The following ARHGAP11A variants were observed in gnomAD, a reference collection of about 807,000 sequenced individuals.
The protein encoded by ARHGAP11A is rho GTPase-activating protein 11A.
A neutral mutation model predicts 60.5 loss-of-function variants in ARHGAP11A; 36 were observed. The observed-to-expected ratio is 0.59, with a 90% confidence interval of 0.46 to 0.79. The LOEUF (loss-of-function observed/expected upper bound fraction) is 0.79, where lower values mean the gene tolerates loss of function less well. ARHGAP11A is among the 30% of genes least tolerant of loss of function. The pLI, the probability that ARHGAP11A is intolerant of heterozygous loss-of-function variation, is 0.00. For missense variants in ARHGAP11A, 1,071 were observed against 1,199.2 expected (o/e 0.89, Z 1.58); for synonymous variants, 362 against 415.5 (o/e 0.87, Z 1.57).
chr15:32,626,430 A>T (rs1287601583), intron 6 of ARHGAP11A, among the ~76,000 whole-genome samples: 1 of 152,208 alleles, frequency 6.6e-6, no homozygotes, highest in Non-Finnish European at 1.5e-5. Flanking sequence ...GTCAGAGGCC[A>T]TTATTCTTCC....
chr15:32,619,575 G>A (rs1027644816), intron 1 of ARHGAP11A, among the ~76,000 whole-genome samples: 3 of 147,902 alleles, frequency 2.0e-5, no homozygotes, highest in African/African-American at 7.4e-5. Flanking sequence ...TTCTATAGAA[G>A]GTGGAAAATG....
chr15:32,625,132 A>G lies in ARHGAP11A; in HGVS notation c.604A>G (p.Asn202Asp). 1 of 1,613,938 alleles carries G rather than the reference A, an allele frequency of 6.2e-7. No homozygotes were observed. Among genetic ancestry groups the G allele is most frequent in the Non-Finnish European group, 8.5e-7 (1 of 1,179,832 alleles). The change falls in exon 5 of 12, where the codon AAT (asparagine) becomes GAT (aspartate). Residue 202 changes from asparagine to aspartate, a missense_variant. Coordinates refer to ENST00000361627, the MANE Select transcript of ARHGAP11A (RefSeq NM_014783.6). ...SSNLAVIFAP[N>D]LLQTSEGHEK... ...CAATCTTGCAGTAATATTTGCACCG[A>G]ATCTTCTTCAGACAAGTGAAGGACA...
Position 32,631,608 on chromosome 15 carries a change from C to G in ARHGAP11A, c.1106-1371C>G, listed in dbSNP as rs1408632206. 2.0e-5 allele frequency among the ~76,000 whole-genome samples: 3 copies of G among 152,148 alleles called. No homozygotes were observed. The East Asian group carries it at 5.8e-4, about 29-fold the overall frequency. ...AGCCACCATGCCTGGCCATAATTTT[C>G]TTACAGATGTGATAAATTTGCATTG... On this transcript the variant is annotated intron_variant, in intron 8 of 11. Coordinates refer to ENST00000361627, the MANE Select transcript of ARHGAP11A (RefSeq NM_014783.6).
intron 8 of ARHGAP11A, among the ~76,000 whole-genome samples, chr15:32,630,694 T>C (rs994424507): frequency 9.2e-5 from 14 of 152,126 alleles, no homozygotes; most frequent in Admixed American, 9.2e-4. Context: ...TTATTTGTTT[T>C]ATTGAGAAGT....
rs144815962 is a variant in ARHGAP11A at position 32,625,204 on chromosome 15, G to A, written c.676G>A (p.Ala226Thr). ...NTEKKLRLQA[A>T]VVQTLIDYAS... The stretch of plus-strand genomic sequence containing the variant: ...AGAAAAGAAGCTACGATTACAGGCT[G>A]CAGTAGTACAGACTCTTATCGATTA... Residue 226 changes from alanine to threonine, a missense_variant, in exon 5 of 12, where the codon GCA (alanine) becomes ACA (threonine). Physicochemically the swap from Ala to Thr is moderately conservative, Grantham distance 58. Around this residue, in one of 4 missense-constraint regions of ARHGAP11A, gnomAD observed 196 missense variants for 272.1 expected, o/e 0.72. Coordinates refer to ENST00000361627, the MANE Select transcript of ARHGAP11A (RefSeq NM_014783.6). 40 of 1,613,694 alleles carry A rather than the reference G, an allele frequency of 2.5e-5. No homozygotes were observed. The African/African-American group carries it at 4.7e-4, about 19-fold the overall frequency.
intron 1 of ARHGAP11A, 96 bp downstream of exon 1, chr15:32,616,436 T>A (rs749301965): frequency 2.6e-6 from 4 of 1,560,290 alleles, no homozygotes; most frequent in Non-Finnish European, 3.5e-6. Flanking sequence ...ACTCTGTGTA[T>A]CAAAAAGAAT....
chr15:32,635,855 G>A lies in ARHGAP11A; in HGVS notation c.1423G>A (p.Glu475Lys), dbSNP rs2053697311. ...ANQQSLKNRI[E>K]SVKTGLLFSP... ...TCAACAAAGTTTAAAAAATCGAATT[G>A]AATCTGTAAAAACAGGTTTGCTTTT... is the stretch of plus-strand genomic sequence containing the variant. The change falls in exon 11 of 12, where the codon GAA becomes AAA. Residue 475 changes from glutamate (E) to lysine (K), a missense_variant. Coordinates refer to ENST00000361627, the MANE Select transcript of ARHGAP11A (RefSeq NM_014783.6). 1 of 1,610,896 alleles carries A rather than the reference G, an allele frequency of 6.2e-7. No individual in the cohort carries two copies. Among genetic ancestry groups the A allele is most frequent in the African/African-American group, 1.3e-5 (1 of 74,902 alleles).
In ARHGAP11A at chr15:32,639,774, T is replaced by C. The variant is rs1244458030; in HGVS notation, c.*1929T>C. ...GGTAACTAGAGAGCCAGAAAAGTTT[T>C]GTTTTAAACTTGATTTAATGCGTTT... On this transcript the variant is annotated 3_prime_UTR_variant, in exon 12 of 12. Transcript: ENST00000361627. 1 of 152,234 alleles carries C rather than the reference T, an allele frequency of 6.6e-6. No homozygotes were observed. The highest frequency in any genetic ancestry group is 2.4e-5 in the African/African-American group (1 of 41,458). The allele number at this position is 152,234 out of a possible 1,614,324, so 9.4% of individuals were successfully genotyped here. A position where few individuals can be genotyped will look rare whatever the true frequency, so the allele number is the denominator to read the frequency against.
At position 32,636,756 on chromosome 15, in the gene ARHGAP11A, C is replaced by T. The variant is rs1461202242; in HGVS notation, c.1983C>T (p.His661=). Residue 661 remains histidine, a synonymous_variant, in exon 12 of 12, where the codon CAC becomes CAT. Coordinates refer to ENST00000361627, the MANE Select transcript of ARHGAP11A (RefSeq NM_014783.6). ...IVESKEKYEH[H]TGKGEKCFSE... is the part of the protein sequence containing the mutation. ...AATCAAAGGAGAAATATGAACACCACACTGGTAAAGGTGAAAAATGTTTTT... is the reference window on the plus strand; with the variant it reads ...AATCAAAGGAGAAATATGAACACCATACTGGTAAAGGTGAAAAATGTTTTT... 6.2e-7 allele frequency: 1 copy of T among 1,613,388 alleles called. No individual in the cohort carries two copies. Among genetic ancestry groups the T allele is most frequent in the South Asian group, 1.1e-5 (1 of 90,790 alleles).
chr15:32,637,835 T>G lies in ARHGAP11A; in HGVS notation c.3062T>G (p.Val1021Gly). Reference sequence around the variant, plus strand: ...CAATTACTACCAACAAGTAAACCTGTAGATTTGTAATTGGTAAATGTTATA... The same window carrying G: ...CAATTACTACCAACAAGTAAACCTGGAGATTTGTAATTGGTAAATGTTATA... ...KTQLLPTSKP[V>G]DL is the part of the protein sequence containing the mutation. The change falls in exon 12 of 12, where the codon GTA becomes GGA. Residue 1021 changes from valine to glycine, a missense_variant. Physicochemically the swap from Val to Gly is moderately radical, Grantham distance 109. Coordinates refer to ENST00000361627, the MANE Select transcript of ARHGAP11A (RefSeq NM_014783.6). 1.3e-6 allele frequency: 2 copies of G among 1,590,376 alleles called. No homozygotes were observed. Among genetic ancestry groups the G allele is most frequent in the Non-Finnish European group, 1.7e-6 (2 of 1,171,108 alleles).
rs1246727140 is a variant in ARHGAP11A at position 32,638,199 on chromosome 15, G to T, written c.*354G>T. The T allele has an allele frequency of 5.6e-6, 1 of 177,538 alleles. No homozygotes were observed. Among genetic ancestry groups the T allele is most frequent in the African/African-American group, 2.4e-5 (1 of 42,008 alleles). The allele number at this position is 177,538 out of a possible 1,614,324, so 11.0% of individuals were successfully genotyped here. ...TGCCATTTTCCTGCCTCAGCCTCCC[G>T]AGTAGCTGGGACTACAGGTGCCCGC... is the stretch of plus-strand genomic sequence containing the variant. On this transcript the variant is annotated 3_prime_UTR_variant, in exon 12 of 12. Transcript: ENST00000361627.
intron 5 of ARHGAP11A, 49 bp from the exon 6 acceptor site, chr15:32,625,438 G>A (rs759864411): frequency 9.5e-6 from 15 of 1,581,462 alleles, no homozygotes; most frequent in South Asian, 7.1e-5. Context: ...TTTTGGGGAA[G>A]AGTGGAGGAA....
rs1227738131 is a variant in ARHGAP11A at position 32,639,200 on chromosome 15, G to A, written c.*1355G>A. 1 of 152,258 alleles carries A rather than the reference G, an allele frequency of 6.6e-6. No homozygotes were observed. Among genetic ancestry groups the A allele is most frequent in the Non-Finnish European group, 1.5e-5 (1 of 68,036 alleles). The allele number at this position is 152,258 out of a possible 1,614,324, so 9.4% of individuals were successfully genotyped here. On this transcript the variant is annotated 3_prime_UTR_variant, in exon 12 of 12. Transcript: ENST00000361627. ...AATAGAACATATTCTCTAGGTTGTA[G>A]AGGAAGGAATAAGCAGACAGAATCA...
chr15:32,636,924 C>T lies in ARHGAP11A; in HGVS notation c.2151C>T (p.Phe717=). The change falls in exon 12 of 12, where the codon TTC becomes TTT. Residue 717 remains phenylalanine, a synonymous_variant. Coordinates refer to ENST00000361627, the MANE Select transcript of ARHGAP11A (RefSeq NM_014783.6). ...MPKDYLSKQE[F]SSDEEIKKQQ... is the part of the protein sequence containing the mutation. ...AAGATTATTTAAGCAAGCAAGAATT[C>T]TCCAGTGATGAAGAAATAAAGAAAC... 6.2e-7 allele frequency: 1 copy of T among 1,612,410 alleles called. No homozygotes were observed. The highest frequency in any genetic ancestry group is 8.5e-7 in the Non-Finnish European group (1 of 1,179,554).
chr15:32,631,687 A>G (rs2053589720), intron 8 of ARHGAP11A, among the ~76,000 whole-genome samples: 1 of 151,966 alleles, frequency 6.6e-6, no homozygotes, highest in Admixed American at 6.5e-5. Context: ...TTTTATTTTT[A>G]TTTTTTGAGA....
Position 32,636,945 on chromosome 15 carries a change from G to T in ARHGAP11A, c.2172G>T (p.Lys724Asn). 1 of 1,610,044 alleles carries T rather than the reference G, an allele frequency of 6.2e-7. No individual in the cohort carries two copies. Among genetic ancestry groups the T allele is most frequent in the Non-Finnish European group, 8.5e-7 (1 of 1,178,984 alleles). The change falls in exon 12 of 12, where the codon AAG (lysine) becomes AAT (asparagine). Residue 724 changes from lysine (K) to asparagine (N), a missense_variant. By Grantham distance (94) the Lys-to-Asn change is moderately conservative. Transcript: ENST00000361627. ...KQEFSSDEEI[K>N]KQQSPKDKLN... ...AATTCTCCAGTGATGAAGAAATAAAGAAACAGCAGTCCCCAAAGGATAAAC... is the reference window on the plus strand; with the variant it reads ...AATTCTCCAGTGATGAAGAAATAAATAAACAGCAGTCCCCAAAGGATAAAC...
intron 8 of ARHGAP11A, among the ~76,000 whole-genome samples, chr15:32,631,596 G>A (rs2053586136): frequency 6.6e-6 from 1 of 152,144 alleles, no homozygotes. Flanking sequence ...CACCATGCCT[G>A]GCCATAATTT....
intron 7 of ARHGAP11A, 87 bp downstream of exon 7, chr15:32,628,889 G>A (rs2053528202): frequency 9.9e-7 from 1 of 1,006,704 alleles, no homozygotes; most frequent in Non-Finnish European, 1.4e-6. Context: ...ACCTAACTTA[G>A]TAATCAAATT....
chr15:32,637,277 G>A lies in ARHGAP11A; in HGVS notation c.2504G>A (p.Arg835His), dbSNP rs774973189. The change falls in exon 12 of 12, where the codon CGT becomes CAT. Residue 835 changes from arginine (R) to histidine (H), a missense_variant. Arg to His is a conservative substitution (Grantham distance 29, BLOSUM62 0). Around this residue, in one of 4 missense-constraint regions of ARHGAP11A, gnomAD observed 776 missense variants for 760.2 expected, o/e 1.02. Coordinates refer to ENST00000361627, the MANE Select transcript of ARHGAP11A (RefSeq NM_014783.6). ...IKVKSPLKFQ[R>H]TPVRQSVRRI... ...GTCAAGTCACCTCTTAAGTTTCAGC[G>A]TACTCCTGTTCGTCAGTCCGTCAGA... The A allele has an allele frequency of 1.7e-4, 268 of 1,614,098 alleles. No homozygotes were observed. Among genetic ancestry groups the A allele is most frequent in the Admixed American group, 4.2e-4 (25 of 60,012 alleles).
Sources: allele counts gnomAD v4.1 joint callset (sites outside exome capture counted in the v4.1 genomes callset), GRCh38; gene constraint gnomAD v4.1.1; regional missense constraint gnomAD v4.1.1; transcripts MANE v1.5; gene names NCBI Gene and HGNC (gene_info 2026-07-23, HGNC 2026-07-21).